Variants in CPTP observed in about 807,000 individuals in gnomAD.
CPTP encodes the protein GLTP domain-containing protein 1.
In CPTP, 5 loss-of-function variants were observed where a neutral mutation model predicts 5.7. That is an observed-to-expected ratio of 0.88 (90% CI 0.46 to 1.86). CPTP has a LOEUF of 1.86. Among genes scored for constraint, CPTP ranks in the 40% most tolerant of loss-of-function variants. The pLI, the probability that CPTP is intolerant of heterozygous loss-of-function variation, is 0.01. For missense variants in CPTP, 335 were observed against 306.5 expected, an observed-to-expected ratio of 1.09 and a Z score of -0.69; for synonymous variants, 166 against 142.7, an observed-to-expected ratio of 1.16 and a Z score of -1.16.
rs867400474 is a variant in CPTP, at chr1:1,327,507, A to T, written c.389A>T (p.Glu130Val). 2 of 1,576,330 alleles carry T rather than the reference A, an allele frequency of 1.3e-6. No homozygotes were observed. The highest frequency in any genetic ancestry group is 3.3e-4 in the Middle Eastern group (2 of 6,026). ...LFLEGLRTSPEDARTSALCAD... is the reference protein window; with the variant it reads ...LFLEGLRTSPVDARTSALCAD... Reference sequence around the variant, plus strand: ...CTGGAGGGCCTGCGTACCAGCCCCGAGGACGCACGCACCTCCGCGCTCTGC... The same window carrying T: ...CTGGAGGGCCTGCGTACCAGCCCCGTGGACGCACGCACCTCCGCGCTCTGC... Residue 130 changes from glutamate to valine, a missense_variant, in exon 3 of 3, where the codon GAG becomes GTG. By Grantham distance (121) the Glu-to-Val change is moderately radical. Coordinates refer to ENST00000343938, the MANE Select transcript of CPTP (RefSeq NM_001029885.2).
In CPTP at chr1:1,326,933, T is replaced by G; in HGVS notation, c.23T>G (p.Phe8Cys). 6.2e-7 allele frequency: 1 copy of G among 1,613,822 alleles called. No individual in the cohort carries two copies. The highest frequency in any genetic ancestry group is 8.5e-7 in the Non-Finnish European group (1 of 1,179,984). ...AAAATGGATGACTCGGAGACAGGTT[T>G]CAATCTGAAAGTCGTCCTGGTCAGT... Reference protein sequence around the residue: MDDSETGFNLKVVLVSFK... With the variant: MDDSETGCNLKVVLVSFK... The change falls in exon 2 of 3, where the codon TTC becomes TGC. Residue 8 changes from phenylalanine to cysteine, a missense_variant. By Grantham distance (205) the Phe-to-Cys change is radical. Transcript: ENST00000343938.
In CPTP at chr1:1,327,748, G is replaced by A; in HGVS notation, c.630G>A (p.Leu210=). The A allele has an allele frequency of 1.2e-6, 2 of 1,612,014 alleles. No individual in the cohort carries two copies. Among genetic ancestry groups the A allele is most frequent in the South Asian group, 1.1e-5 (1 of 91,090 alleles). ...VSQKLYAEHS[L]LDLP is the part of the protein sequence containing the mutation. ...AGAAGCTCTACGCCGAGCACTCCCTGCTGGACCTGCCCTAGGGGCGGGAAG... is the reference window on the plus strand; with the variant it reads ...AGAAGCTCTACGCCGAGCACTCCCTACTGGACCTGCCCTAGGGGCGGGAAG... The change falls in exon 3 of 3, where the codon CTG becomes CTA. Residue 210 remains leucine (L), a synonymous_variant. Transcript: ENST00000343938.
At position 1,327,667 on chromosome 1, in the gene CPTP, C is replaced by T. The variant is rs759957604; in HGVS notation, c.549C>T (p.Ala183=). 20 of 1,612,650 alleles carry T rather than the reference C, an allele frequency of 1.2e-5. No individual in the cohort carries two copies. In the Admixed American group the frequency reaches 2.7e-4, roughly 22 times the overall value. ...TGAACGTGGGGCCCCCGGAGCAGGC[C>T]GTGCAGATGCTAGGCGAGGCCCTCC... is the stretch of plus-strand genomic sequence containing the variant. ...EAMNVGPPEQ[A]VQMLGEALPF... Residue 183 remains alanine, a synonymous_variant, in exon 3 of 3, where the codon GCC becomes GCT. Coordinates refer to ENST00000343938, the MANE Select transcript of CPTP (RefSeq NM_001029885.2).
rs756250152 is a variant in CPTP at position 1,327,034 on chromosome 1, T to C, written c.122+2T>C. On this transcript the variant is annotated splice_donor_variant, in intron 2 of 2. Transcript: ENST00000343938. LOFTEE classifies it high-confidence loss of function. ...TGCCAGCTGGAAGGGCCTGGTCAGGTGCGTGTGCCAGGGCTGCCTCCTGAG... is the reference window on the plus strand; with the variant it reads ...TGCCAGCTGGAAGGGCCTGGTCAGGCGCGTGTGCCAGGGCTGCCTCCTGAG... The C allele has an allele frequency of 1.2e-5, 19 of 1,612,786 alleles. No individual in the cohort carries two copies. In the South Asian group the frequency reaches 2.1e-4, roughly 18 times the overall value.
intron 2 of CPTP, 64 bp from the exon 3 acceptor site, chr1:1,327,177 C>T (rs1457304175): frequency 6.3e-7 from 1 of 1,585,506 alleles, no homozygotes; most frequent in Non-Finnish European, 8.5e-7. Flanking sequence ...GGGCAGCGTC[C>T]CCTGCACCCC....
chr1:1,327,374 G>C lies in CPTP; in HGVS notation c.256G>C (p.Glu86Gln). 1 of 1,597,894 alleles carries C rather than the reference G, an allele frequency of 6.3e-7. No individual in the cohort carries two copies. The highest frequency in any genetic ancestry group is 8.5e-7 in the Non-Finnish European group (1 of 1,178,630). ...YRSLQAMVAH[E>Q]LSNRLVDLER... ...CAGCCTGCAGGCCATGGTGGCCCAC[G>C]AGCTGAGCAACCGGCTGGTGGACCT... Residue 86 changes from glutamate (E) to glutamine (Q), a missense_variant, in exon 3 of 3, where the codon GAG becomes CAG. Coordinates refer to ENST00000343938, the MANE Select transcript of CPTP (RefSeq NM_001029885.2).
In CPTP at chr1:1,327,988, G is replaced by T; in HGVS notation, c.*225G>T. On this transcript the variant is annotated 3_prime_UTR_variant, in exon 3 of 3. Coordinates refer to ENST00000343938, the MANE Select transcript of CPTP (RefSeq NM_001029885.2). ...GTCCGGAACAAGACGCCTCGGCCAC[G>T]GCTCCCCCTCGGCCTATTACACGCG... 1 of 600,718 alleles carries T rather than the reference G, an allele frequency of 1.7e-6. No homozygotes were observed. The highest frequency in any genetic ancestry group is 2.8e-5 in the East Asian group (1 of 35,794). 37.2% of individuals were successfully genotyped at this position (600,718 alleles called of 1,614,324 possible). A position where few individuals can be genotyped will look rare whatever the true frequency, so the allele number is the denominator to read the frequency against.
rs769018917 is a variant in CPTP at position 1,327,795 on chromosome 1, T to C, written c.*32T>C. 1 of 1,604,976 alleles carries C rather than the reference T, an allele frequency of 6.2e-7. No individual in the cohort carries two copies. Among genetic ancestry groups the C allele is most frequent in the Non-Finnish European group, 8.5e-7 (1 of 1,178,768 alleles). ...GAAGCCAGGGCCGCACCGGCTTTCCTGCTGCAGATCTGGGCTGCGGTGGCC... is the reference window on the plus strand; with the variant it reads ...GAAGCCAGGGCCGCACCGGCTTTCCCGCTGCAGATCTGGGCTGCGGTGGCC... On this transcript the variant is annotated 3_prime_UTR_variant, in exon 3 of 3. Coordinates refer to ENST00000343938, the MANE Select transcript of CPTP (RefSeq NM_001029885.2).
intron 2 of CPTP, 89 bp from the exon 3 acceptor site, chr1:1,327,152 G>A: frequency 1.3e-6 from 2 of 1,586,060 alleles, no homozygotes; most frequent in Non-Finnish European, 1.7e-6. Context: ...AGATGGGTGT[G>A]AGCCCCCGCA....
Position 1,327,443 on chromosome 1 carries a change from C to T in CPTP, c.325C>T (p.Leu109=). The change falls in exon 3 of 3, where the codon CTG becomes TTG. Residue 109 remains leucine (L), a synonymous_variant. Coordinates refer to ENST00000343938, the MANE Select transcript of CPTP (RefSeq NM_001029885.2). ...CCCGGAGTCTGGCTGCCGGACGGTG[C>T]TGCGCCTGCACCGCGCCCTGCACTG... The part of the protein sequence containing the change: ...HHPESGCRTV[L]RLHRALHWLQ... The T allele has an allele frequency of 6.3e-7, 1 of 1,579,048 alleles. No homozygotes were observed. The highest frequency in any genetic ancestry group is 8.6e-7 in the Non-Finnish European group (1 of 1,168,836).
rs1365310918 is a variant in CPTP at position 1,328,057 on chromosome 1, G to A, written c.*294G>A. ...CAGGGTGCGGTGCAGAGCAGAGCAG[G>A]CAGGGGTGGGGGCCGGGCCTGCAAG... is the stretch of plus-strand genomic sequence containing the variant. On this transcript the variant is annotated 3_prime_UTR_variant, in exon 3 of 3. Coordinates refer to ENST00000343938, the MANE Select transcript of CPTP (RefSeq NM_001029885.2). 2.0e-6 allele frequency: 1 copy of A among 498,114 alleles called. No homozygotes were observed. The highest frequency in any genetic ancestry group is 3.6e-6 in the Non-Finnish European group (1 of 281,404). 30.9% of individuals were successfully genotyped at this position (498,114 alleles called of 1,614,324 possible).
chr1:1,326,341 C>T (rs778197523), intron 1 of CPTP, among the ~76,000 whole-genome samples: 1 of 145,658 alleles, frequency 6.9e-6, no homozygotes, highest in Non-Finnish European at 1.5e-5. Flanking sequence ...CTGCTTTCTG[C>T]TGTGTCTGTT....
Position 1,327,616 on chromosome 1 carries a change from C to T in CPTP, c.498C>T (p.Pro166=), listed in dbSNP as rs765466579. Residue 166 remains proline (P), a synonymous_variant, in exon 3 of 3, where the codon CCC becomes CCT. Coordinates refer to ENST00000343938, the MANE Select transcript of CPTP (RefSeq NM_001029885.2). ...TCACCGTGGCCTTCTGCACGCTGCC[C>T]ACACGCGAGGTCTTCCTGGAGGCCA... ...RAVTVAFCTL[P]TREVFLEAMN... 1 of 1,612,268 alleles carries T rather than the reference C, an allele frequency of 6.2e-7. No individual in the cohort carries two copies. The highest frequency in any genetic ancestry group is 1.7e-5 in the Admixed American group (1 of 59,962).
At chr1:1,326,777 C>A in intron 1 of CPTP, 59 bp from the exon 2 acceptor site, 1 of 1,183,306 alleles carries the variant, frequency 8.5e-7, no homozygotes, top group Non-Finnish European at 1.2e-6. Flanking sequence ...CCATGAGGGG[C>A]ATGAGTGTTC....
chr1:1,327,538 C>G lies in CPTP; in HGVS notation c.420C>G (p.Asp140Glu). ...EDARTSALCA[D>E]SYNASLAAYH... is the part of the protein sequence containing the mutation. The stretch of plus-strand genomic sequence containing the variant: ...CACGCACCTCCGCGCTCTGCGCCGA[C>G]TCCTACAACGCCTCGCTGGCCGCCT... The change falls in exon 3 of 3, where the codon GAC becomes GAG. Residue 140 changes from aspartate (D) to glutamate (E), a missense_variant. Physicochemically the swap from Asp to Glu is conservative, Grantham distance 45. Transcript: ENST00000343938. 1.9e-6 allele frequency: 3 copies of G among 1,589,654 alleles called. No individual in the cohort carries two copies. The highest frequency in any genetic ancestry group is 2.6e-6 in the Non-Finnish European group (3 of 1,169,820).
rs570644348 is a variant in CPTP, at chr1:1,327,326, G to T, written c.208G>T (p.Gly70Cys). 6.3e-7 allele frequency: 1 copy of T among 1,597,902 alleles called. No individual in the cohort carries two copies. Among genetic ancestry groups the T allele is most frequent in the Non-Finnish European group, 8.5e-7 (1 of 1,179,420 alleles). Reference sequence around the variant, plus strand: ...GCGGATCATGGAGCGCCTCAGGGGCGGCCCGCAGAGCGAGCACTACCGCAG... The same window carrying T: ...GCGGATCATGGAGCGCCTCAGGGGCTGCCCGCAGAGCGAGCACTACCGCAG... ...KLRIMERLRG[G>C]PQSEHYRSLQ... The change falls in exon 3 of 3, where the codon GGC becomes TGC. Residue 70 changes from glycine to cysteine, a missense_variant. Transcript: ENST00000343938.
intron 1 of CPTP, chr1:1,325,522 G>T (rs1474638102): frequency 6.6e-6 from 1 of 152,344 alleles, no homozygotes; most frequent in East Asian, 1.9e-4. Context: ...GAGGAGGGGA[G>T]GGGCGTGCTG....
Position 1,325,013 on chromosome 1 carries a change from G to C in CPTP, c.-165G>C, listed in dbSNP as rs1643257511. The C allele has an allele frequency of 5.1e-6, 1 of 197,098 alleles. No individual in the cohort carries two copies. Among genetic ancestry groups the C allele is most frequent in the Admixed American group, 6.1e-5 (1 of 16,298 alleles). The allele number at this position is 197,098 out of a possible 1,614,324, so 12.2% of individuals were successfully genotyped here. A position where few individuals can be genotyped will look rare whatever the true frequency, so the allele number is the denominator to read the frequency against. Reference sequence around the variant, plus strand: ...GTCGGCCCCTCCCCAACACCACCCCGGGCCTCCGCCCCTTCCTGGGCCTCT... The same window carrying C: ...GTCGGCCCCTCCCCAACACCACCCCCGGCCTCCGCCCCTTCCTGGGCCTCT... On this transcript the variant is annotated 5_prime_UTR_variant, in exon 1 of 3. Coordinates refer to ENST00000343938, the MANE Select transcript of CPTP (RefSeq NM_001029885.2).
chr1:1,327,971 CA>C lies in CPTP; in HGVS notation c.*210del, dbSNP rs1643347655. 1 of 626,008 alleles carries C rather than the reference CA, an allele frequency of 1.6e-6. No individual in the cohort carries two copies. The highest frequency in any genetic ancestry group is 1.8e-5 in the African/African-American group (1 of 54,246). The allele number at this position is 626,008 out of a possible 1,614,324, so 38.8% of individuals were successfully genotyped here. A position where few individuals can be genotyped will look rare whatever the true frequency, so the allele number is the denominator to read the frequency against. ...AGAGGCCCACCCTCTCGGTCCGGAA[CA>C]AGACGCCTCGGCCACGGCTCCCCCT... On this transcript the variant is annotated 3_prime_UTR_variant, in exon 3 of 3. Transcript: ENST00000343938.
Sources: allele counts gnomAD v4.1 joint callset (sites outside exome capture counted in the v4.1 genomes callset), GRCh38; gene constraint gnomAD v4.1.1; transcripts MANE v1.5; gene names NCBI Gene and HGNC (gene_info 2026-07-23, HGNC 2026-07-21).